The following PIK3AP1 variants were observed in gnomAD, a reference collection of about 807,000 sequenced individuals.
PIK3AP1 encodes phosphoinositide-3-kinase adaptor protein 1.
In PIK3AP1, 21 loss-of-function variants were observed where a neutral mutation model predicts 88.1. The ratio of observed to expected loss-of-function variants is 0.24; its 90% CI spans 0.17 to 0.34. The LOEUF (loss-of-function observed/expected upper bound fraction) is 0.34, where lower values mean the gene tolerates loss of function less well. Ranked by LOEUF, PIK3AP1 falls within the 10% of genes least tolerant of loss-of-function variation. The probability of loss-of-function intolerance (pLI) is 1.00; values close to 1 mark genes in which losing one functional copy is unlikely to be tolerated. For missense variants in PIK3AP1, 828 were observed against 1,035.7 expected (o/e 0.80, Z 2.75); for synonymous variants, 398 against 400.0 (o/e 1.00, Z 0.06).
intron 2 of PIK3AP1, among the ~76,000 whole-genome samples, chr10:96,657,446 T>C (rs962738638): frequency 6.6e-5 from 10 of 152,162 alleles, no homozygotes; most frequent in African/African-American, 1.9e-4. Flanking sequence ...CAACAAACTT[T>C]AGATAAATCT....
At chr10:96,672,690 C>T (rs1315699492) in intron 2 of PIK3AP1, among the ~76,000 whole-genome samples, 1 of 152,142 alleles carries the variant, frequency 6.6e-6, no homozygotes, top group African/African-American at 2.4e-5. Context: ...ATGAAAGCAC[C>T]GTGGTGCCCA....
chr10:96,680,792 C>T (rs147366468), intron 2 of PIK3AP1, among the ~76,000 whole-genome samples: 2 of 152,314 alleles, frequency 1.3e-5, no homozygotes, highest in East Asian at 3.9e-4. Context: ...ATAAATCCTG[C>T]AATTCACTTT....
intron 1 of PIK3AP1, among the ~76,000 whole-genome samples, chr10:96,714,594 G>C (rs1844479077): frequency 6.6e-6 from 1 of 152,192 alleles, no homozygotes. Context: ...TGAAATGATG[G>C]ATTCTAGGAA....
intron 2 of PIK3AP1, among the ~76,000 whole-genome samples, chr10:96,683,996 A>G (rs2134266182): frequency 6.6e-6 from 1 of 152,348 alleles, no homozygotes; most frequent in Non-Finnish European, 1.5e-5. Context: ...TTTATTATTA[A>G]GACCTGGTAG....
rs760519047 is a variant in PIK3AP1 at position 96,709,894 on chromosome 10, G to A, written c.103C>T (p.Arg35Trp). The A allele has an allele frequency of 1.2e-5, 19 of 1,613,476 alleles. No individual in the cohort carries two copies. The highest frequency in any genetic ancestry group is 2.2e-5 in the South Asian group (2 of 91,062). The change falls in exon 2 of 17, where the codon CGG (arginine) becomes TGG (tryptophan). Residue 35 changes from arginine to tryptophan, a missense_variant. Arg to Trp is a moderately radical substitution (Grantham distance 101). This residue lies in a region of PIK3AP1 where 610 missense variants were observed against 760.1 expected (regional missense o/e 0.80). Coordinates refer to ENST00000339364, the MANE Select transcript of PIK3AP1 (RefSeq NM_152309.3). Reference sequence around the variant, plus strand: ...AGTATCTTCTGGCTGCGGACCTGCCGACTGGACAGGAACAGGGTCTGCAGG... The same window carrying A: ...AGTATCTTCTGGCTGCGGACCTGCCAACTGGACAGGAACAGGGTCTGCAGG... ...QYLQTLFLSS[R>W]QVRSQKILTH...
intron 2 of PIK3AP1, chr10:96,669,439 T>C (rs971071644): frequency 2.0e-5 from 3 of 152,234 alleles, no homozygotes; most frequent in Non-Finnish European, 4.4e-5. Context: ...AAGTGTGTCC[T>C]GTACAGCTGT....
At chr10:96,684,277 T>G (rs1272793096) in intron 2 of PIK3AP1, among the ~76,000 whole-genome samples, 2 of 152,254 alleles carry the variant, frequency 1.3e-5, no homozygotes, top group Non-Finnish European at 2.9e-5. Flanking sequence ...CAAAGTATCT[T>G]ACATGCCCAG....
At chr10:96,676,308 C>CTTTT (rs147680543) in intron 2 of PIK3AP1, among the ~76,000 whole-genome samples, 1 of 126,646 alleles carries the variant, frequency 7.9e-6, no homozygotes, top group Non-Finnish European at 1.7e-5. Context: ...TGTGACCTTG[C>CTTTT]TTTTTTTTTT....
chr10:96,716,086 G>A (rs926414933), intron 1 of PIK3AP1, among the ~76,000 whole-genome samples: 1 of 151,882 alleles, frequency 6.6e-6, no homozygotes, highest in East Asian at 1.9e-4. Context: ...TTCGAGGCCA[G>A]CCTGGCCAAC....
chr10:96,652,853 A>G lies in PIK3AP1; in HGVS notation c.568-11T>C. 1 of 1,611,432 alleles carries G rather than the reference A, an allele frequency of 6.2e-7. No individual in the cohort carries two copies. Among genetic ancestry groups the G allele is most frequent in the Non-Finnish European group, 8.5e-7 (1 of 1,179,700 alleles). On this transcript the variant is annotated splice_polypyrimidine_tract_variant and intron_variant, in intron 3 of 16. Transcript: ENST00000339364. ...GACAGTGGTTTCTGCCTGAAACGGG[A>G]AGCCGGTCATTGTCCCCTCTCCCTC... is the stretch of plus-strand genomic sequence containing the variant.
At chr10:96,700,812 G>C (rs988043394) in intron 2 of PIK3AP1, 1 of 985,466 alleles carries the variant, frequency 1.0e-6, no homozygotes, top group Non-Finnish European at 1.2e-6. Context: ...CCATCTGCGA[G>C]GCCACGACAC....
Position 96,645,612 on chromosome 10 carries a change from C to T in PIK3AP1, c.1236G>A (p.Gly412=). The T allele has an allele frequency of 1.2e-6, 2 of 1,611,506 alleles. No homozygotes were observed. The highest frequency in any genetic ancestry group is 1.7e-6 in the Non-Finnish European group (2 of 1,178,836). Residue 412 remains glycine, a synonymous_variant, in exon 8 of 17, where the codon GGG becomes GGA. Transcript: ENST00000339364. ...ACTCGTACACAGCATCAGCCTCCTCCCCGTGCATCAGTTCCTCTTTAATGT... is the reference window on the plus strand; with the variant it reads ...ACTCGTACACAGCATCAGCCTCCTCTCCGTGCATCAGTTCCTCTTTAATGT... ...KSHIKEELMH[G]EEADAVYESM...
intron 2 of PIK3AP1, among the ~76,000 whole-genome samples, chr10:96,677,754 T>G (rs1843945053): frequency 6.6e-6 from 1 of 152,088 alleles, no homozygotes; most frequent in African/African-American, 2.4e-5. Flanking sequence ...CAAAACATGG[T>G]TTTCACTGTT....
Position 96,626,710 on chromosome 10 carries a change from T to C in PIK3AP1, c.1667A>G (p.Lys556Arg), listed in dbSNP as rs1427126052. The C allele has an allele frequency of 1.9e-6, 3 of 1,613,652 alleles. No homozygotes were observed. In the African/African-American group the frequency reaches 4.0e-5, roughly 22 times the overall value. The change falls in exon 10 of 17, where the codon AAA becomes AGA. Residue 556 changes from lysine (K) to arginine (R), a missense_variant and splice_region_variant. By Grantham distance (26) the Lys-to-Arg change is conservative. This residue lies in a region of PIK3AP1 where 610 missense variants were observed against 760.1 expected (regional missense o/e 0.80). Coordinates refer to ENST00000339364, the MANE Select transcript of PIK3AP1 (RefSeq NM_152309.3). ...ACATCATTCCCTGCCATACTTGCCT[T>C]TAAAAATGTATGGTTCGTTGTCAGG... ...QLPDNEPYIF[K>R]VFAEKSQERP...
rs1564961127 is a variant in PIK3AP1 at position 96,628,873 on chromosome 10, C to CATATATATACAGACACACATATAT, written c.1376-381_1376-380insATATATGTGTGTCTGTATATATAT. On this transcript the variant is annotated intron_variant, in intron 8 of 16. Coordinates refer to ENST00000339364, the MANE Select transcript of PIK3AP1 (RefSeq NM_152309.3). ...ATATATATACACACACACATATATA[C>CATATATATACAGACACACATATAT]ACATATATATATATACATATATATA... Among the ~76,000 whole-genome samples the CATATATATACAGACACACATATAT allele has an allele frequency of 6.2e-4, 14 of 22,554 alleles. 1 individual carries two copies. Among genetic ancestry groups the CATATATATACAGACACACATATAT allele is most frequent in the African/African-American group, 9.0e-4 (13 of 14,410 alleles). The allele number at this position is 22,554 out of a possible 152,430, so 14.8% of individuals were successfully genotyped here. A position where few individuals can be genotyped will look rare whatever the true frequency, so the allele number is the denominator to read the frequency against.
At chr10:96,655,458 G>A (rs1843602267) in intron 3 of PIK3AP1, among the ~76,000 whole-genome samples, 1 of 152,160 alleles carries the variant, frequency 6.6e-6, no homozygotes, top group East Asian at 1.9e-4. Context: ...AGCGAGCTGA[G>A]ATCTCACCAC....
At chr10:96,638,232 G>A (rs1843338464) in intron 8 of PIK3AP1, among the ~76,000 whole-genome samples, 1 of 152,098 alleles carries the variant, frequency 6.6e-6, no homozygotes, top group Admixed American at 6.6e-5. Flanking sequence ...GTTATCACAG[G>A]AGTAGCTTTG....
intron 6 of PIK3AP1, 112 bp downstream of exon 6, chr10:96,651,136 A>G: frequency 2.9e-6 from 4 of 1,388,334 alleles, no homozygotes; most frequent in Non-Finnish European, 4.0e-6. Context: ...GTTATAGAGA[A>G]GGGACCCAGA....
In PIK3AP1 at chr10:96,648,725, G is replaced by A. The variant is rs896633194; in HGVS notation, c.1119C>T (p.His373=). The A allele has an allele frequency of 4.3e-6, 7 of 1,610,830 alleles. No individual in the cohort carries two copies. The highest frequency in any genetic ancestry group is 5.9e-6 in the Non-Finnish European group (7 of 1,178,776). ...QAYSVANKHG[H]YPNTIAEKHG... is the part of the protein sequence containing the mutation. ...GTTTCTCAGCGATGGTGTTGGGGTA[G>A]TGGCCATGCTTGTTGGCCACGCTGT... is the stretch of plus-strand genomic sequence containing the variant. The change falls in exon 7 of 17, where the codon CAC becomes CAT. Residue 373 remains histidine, a synonymous_variant. Coordinates refer to ENST00000339364, the MANE Select transcript of PIK3AP1 (RefSeq NM_152309.3).
Sources: gnomAD v4.1 joint callset for allele counts (sites outside exome capture counted in the v4.1 genomes callset) on GRCh38, gnomAD v4.1.1 for gene constraint, gnomAD v4.1.1 regional missense constraint, MANE v1.5 for transcripts, NCBI Gene and HGNC (gene_info 2026-07-23, HGNC 2026-07-21) for gene names.